The following RNF24 variants were observed in gnomAD, a reference collection of about 807,000 sequenced individuals.
RNF24 encodes ring finger protein 24.
Under a neutral mutation model 20.0 loss-of-function variants are expected in RNF24, and 14 were observed. The ratio of observed to expected loss-of-function variants is 0.70; its 90% CI spans 0.46 to 1.10. The LOEUF (loss-of-function observed/expected upper bound fraction) is 1.10. Among genes scored for constraint, RNF24 ranks in the 50% least tolerant of loss-of-function variants. The probability of loss-of-function intolerance (pLI) is 0.00; values close to 1 mark genes in which losing one functional copy is unlikely to be tolerated. For missense variants in RNF24, 124 were observed against 177.6 expected (o/e 0.70, Z 1.71); for synonymous variants, 45 against 61.1 (o/e 0.74, Z 1.23).
chr20:3,964,054 A>T (rs1263293507), intron 1 of RNF24, 30 bp from the exon 2 acceptor site: 4 of 1,605,538 alleles, frequency 2.5e-6, no homozygotes, highest in Non-Finnish European at 3.4e-6. Flanking sequence ...TGGAAAAAAA[A>T]TAGGTAAAGA....
chr20:4,007,779 G>C (rs1252652462), intron 1 of RNF24, among the ~76,000 whole-genome samples: 2 of 150,886 alleles, frequency 1.3e-5, no homozygotes, highest in African/African-American at 4.9e-5. Flanking sequence ...AGCCTGGCAT[G>C]CTGGTGTGTG....
At chr20:4,003,059 G>A (rs762815117) in intron 1 of RNF24, among the ~76,000 whole-genome samples, 5 of 151,976 alleles carry the variant, frequency 3.3e-5, no homozygotes, top group South Asian at 2.1e-4. Context: ...AACCTCTGCC[G>A]CCCGGGTTCA....
chr20:3,967,942 G>A (rs1346155955), intron 1 of RNF24, among the ~76,000 whole-genome samples: 5 of 140,196 alleles, frequency 3.6e-5, no homozygotes, highest in African/African-American at 8.0e-5. Context: ...GCAGTGAGCC[G>A]AGATTGCGCC....
intron 2 of RNF24, 34 bp from the exon 3 acceptor site, chr20:3,948,313 A>G: frequency 7.0e-7 from 1 of 1,432,062 alleles, no homozygotes; most frequent in South Asian, 1.3e-5. Flanking sequence ...CAATATTGAG[A>G]TTTCCAACAT....
At chr20:3,978,171 G>T (rs1204301452) in intron 1 of RNF24, among the ~76,000 whole-genome samples, 2 of 150,966 alleles carry the variant, frequency 1.3e-5, no homozygotes, top group Admixed American at 1.3e-4. Context: ...CTGAGTAGCT[G>T]GGATTACAGG....
At chr20:3,990,360 T>C (rs1980327076) in intron 1 of RNF24, among the ~76,000 whole-genome samples, 1 of 152,112 alleles carries the variant, frequency 6.6e-6, no homozygotes, top group African/African-American at 2.4e-5. Flanking sequence ...TCAGCAAAAT[T>C]ATACATGCAC....
intron 2 of RNF24, among the ~76,000 whole-genome samples, chr20:3,963,098 T>C (rs2091220783): frequency 6.6e-6 from 1 of 152,244 alleles, no homozygotes; most frequent in African/African-American, 2.4e-5. Context: ...ATTACAATTA[T>C]ATTTGTCTCA....
chr20:3,970,774 G>A (rs146000900), intron 1 of RNF24, among the ~76,000 whole-genome samples: 5 of 152,272 alleles, frequency 3.3e-5, no homozygotes, highest in South Asian at 2.1e-4. Context: ...GGCCAGGCAC[G>A]GTGACTCACA....
rs192313704 is a variant in RNF24, at chr20:3,934,865, T to A, written c.308+129A>T. 4.9e-3 allele frequency: 3,443 copies of A among 696,608 alleles called. 19 individuals carry two copies. The highest frequency in any genetic ancestry group is 6.8e-3 in the Non-Finnish European group (2,649 of 389,208). 43.2% of individuals were successfully genotyped at this position (696,608 alleles called of 1,614,324 possible). On this transcript the variant is annotated intron_variant, in intron 5 of 5. Coordinates refer to ENST00000358395, the MANE Select transcript of RNF24 (RefSeq NM_001134337.3). This position sits in a 1 kb window ranked among gnomAD's most constrained non-coding sequence, Gnocchi z 4.0. Reference sequence around the variant, plus strand: ...CACACATCCCACCTGTAGGGTGCTGTCAGCTTTCTGCATTACAGACCAATC... The same window carrying A: ...CACACATCCCACCTGTAGGGTGCTGACAGCTTTCTGCATTACAGACCAATC...
At chr20:3,963,825 TATTG>T (rs762557023) in intron 2 of RNF24, 46 bp downstream of exon 2, 3 of 1,425,880 alleles carry the variant, frequency 2.1e-6, no homozygotes, top group South Asian at 2.7e-5. Flanking sequence ...GAAACTTGAT[TATTG>T]ATTATTTAAC....
chr20:3,967,826 T>G (rs1314806509), intron 1 of RNF24, among the ~76,000 whole-genome samples: 2 of 150,074 alleles, frequency 1.3e-5, no homozygotes, highest in Non-Finnish European at 3.0e-5. Flanking sequence ...AAACTCTGTC[T>G]CTATAAAAAT....
intron 4 of RNF24, among the ~76,000 whole-genome samples, chr20:3,936,078 T>G (rs1376493583): frequency 6.6e-6 from 1 of 152,248 alleles, no homozygotes; most frequent in Non-Finnish European, 1.5e-5. Flanking sequence ...TCTTAGATTA[T>G]GTAACATGAT....
intron 2 of RNF24, 68 bp downstream of exon 2, chr20:3,963,807 T>C: frequency 7.4e-7 from 1 of 1,346,978 alleles, no homozygotes; most frequent in Admixed American, 2.4e-5. Flanking sequence ...AAAAAAAATC[T>C]GAGGACAGAA....
At chr20:4,010,614 C>T (rs1011490409) in intron 1 of RNF24, among the ~76,000 whole-genome samples, 1 of 152,122 alleles carries the variant, frequency 6.6e-6, no homozygotes, top group African/African-American at 2.4e-5. Context: ...CACCTGACAG[C>T]CGTCATGTTG....
chr20:3,978,978 C>T (rs1200528524), intron 1 of RNF24, among the ~76,000 whole-genome samples: 1 of 151,390 alleles, frequency 6.6e-6, no homozygotes, highest in African/African-American at 2.4e-5. Context: ...CGGTGGCGTG[C>T]GCCTGTAATC....
chr20:3,936,750 G>A (rs241612), intron 4 of RNF24, among the ~76,000 whole-genome samples: 48,331 of 152,162 alleles, frequency 0.32, 8,338 homozygotes, highest in African/African-American at 0.46. Flanking sequence ...CACTGATCCT[G>A]TTGAAGCACA....
At chr20:3,948,920 GAATAT>G (rs1262736546) in intron 2 of RNF24, among the ~76,000 whole-genome samples, 1 of 152,184 alleles carries the variant, frequency 6.6e-6, no homozygotes, top group Non-Finnish European at 1.5e-5. Flanking sequence ...TCCATTGTAT[GAATAT>G]AATACCATTT....
chr20:3,975,439 G>C (rs1344120386), intron 1 of RNF24, among the ~76,000 whole-genome samples: 1 of 151,676 alleles, frequency 6.6e-6, no homozygotes, highest in Non-Finnish European at 1.5e-5. Context: ...TTTTTGCTTT[G>C]AAAAACTGTC....
At chr20:4,009,830 G>GAA (rs11483685) in intron 1 of RNF24, among the ~76,000 whole-genome samples, 10 of 151,206 alleles carry the variant, frequency 6.6e-5, no homozygotes, top group African/African-American at 1.2e-4. Context: ...GCTATAAATA[G>GAA]AAAAAAAAGG....
Sources: gnomAD v4.1 joint callset for allele counts (sites outside exome capture counted in the v4.1 genomes callset) on GRCh38, gnomAD v4.1.1 for gene constraint, Gnocchi (gnomAD v3.1) non-coding constraint, MANE v1.5 for transcripts, NCBI Gene and HGNC (gene_info 2026-07-23, HGNC 2026-07-21) for gene names.